VWA5B1: variants seen among roughly 807,000 people sequenced by gnomAD.
The protein encoded by VWA5B1 is von Willebrand factor A domain containing 5B1.
A neutral mutation model predicts 118.2 loss-of-function variants in VWA5B1; 115 were observed. The observed-to-expected ratio is 0.97, with a 90% CI of 0.84 to 1.14. The LOEUF (loss-of-function observed/expected upper bound fraction) is 1.14. VWA5B1 is among the 50% of genes most tolerant of loss of function. The pLI is 0.00. For synonymous variants in VWA5B1, 682 were observed against 658.4 expected (o/e 1.04, Z -0.55); for missense variants, 1,596 against 1,603.8 (o/e 1.00, Z 0.08).
Position 20,342,574 on chromosome 1 carries a change from A to C in VWA5B1, c.2276A>C (p.Glu759Ala). The C allele has an allele frequency of 6.6e-7, 1 of 1,516,664 alleles. No homozygotes were observed. Among genetic ancestry groups the C allele is most frequent in the Non-Finnish European group, 8.8e-7 (1 of 1,132,700 alleles). 94.0% of individuals were successfully genotyped at this position (1,516,664 alleles called of 1,614,324 possible). Residue 759 changes from glutamate to alanine, a missense_variant, in exon 15 of 22, where the codon GAG becomes GCG. Transcript: ENST00000289815. ...ACCCAGGCCTGGAGCCCTGTGAGAG[A>C]GCGGACTTCTGACAGCCGAAGCCCT... The part of the protein sequence containing the change: ...QETQAWSPVR[E>A]RTSDSRSPGD...
At position 20,337,709 on chromosome 1, in the gene VWA5B1, T is replaced by A. The variant is rs777496645; in HGVS notation, c.2006T>A (p.Leu669His). 1.1e-5 allele frequency: 17 copies of A among 1,551,426 alleles called. No individual in the cohort carries two copies. The South Asian group carries it at 2.0e-4, about 18-fold the overall frequency. ...STNQITNHKP[L>H]PRATMASDPM... is the part of the protein sequence containing the mutation. ...AACCAGATCACCAATCACAAGCCCCTCCCAAGAGCCACCATGGCAAGTGAC... is the reference window on the plus strand; with the variant it reads ...AACCAGATCACCAATCACAAGCCCCACCCAAGAGCCACCATGGCAAGTGAC... Residue 669 changes from leucine (L) to histidine (H), a missense_variant, in exon 14 of 22, where the codon CTC becomes CAC. Leu to His is a moderately conservative substitution (Grantham distance 99). Coordinates refer to ENST00000289815, the MANE Select transcript of VWA5B1 (RefSeq NM_001039500.3).
chr1:20,332,361 TC>T (rs914134635), intron 11 of VWA5B1, among the ~76,000 whole-genome samples: 14 of 151,790 alleles, frequency 9.2e-5, no homozygotes, highest in African/African-American at 3.4e-4. Context: ...GTGCCTGTAA[TC>T]CCAGCTACTC....
intron 11 of VWA5B1, among the ~76,000 whole-genome samples, chr1:20,331,211 C>A (rs964407436): frequency 6.6e-6 from 1 of 152,248 alleles, no homozygotes; most frequent in Non-Finnish European, 1.5e-5. Context: ...TGGACACACA[C>A]TCCATCCACT....
chr1:20,327,764 C>T, intron 8 of VWA5B1, 126 bp from the exon 9 acceptor site: 1 of 806,098 alleles, frequency 1.2e-6, no homozygotes, highest in Non-Finnish European at 2.0e-6. Flanking sequence ...TTGCTGGGTG[C>T]AGACAGAGGA....
rs1470480457 is a variant in VWA5B1, at chr1:20,290,939, C to T, written c.-176C>T. ...CAGCTATCGCAATGTGGGCATTGATCAAGCCAGCTGCCAGGGCAGCGGGCG... is the reference window on the plus strand; with the variant it reads ...CAGCTATCGCAATGTGGGCATTGATTAAGCCAGCTGCCAGGGCAGCGGGCG... On this transcript the variant is annotated 5_prime_UTR_variant, in exon 1 of 22. It introduces an in-frame stop codon into an upstream open reading frame of the 5' UTR. Coordinates refer to ENST00000289815, the MANE Select transcript of VWA5B1 (RefSeq NM_001039500.3). 6.6e-6 allele frequency: 1 copy of T among 152,302 alleles called. No individual in the cohort carries two copies. Among genetic ancestry groups the T allele is most frequent in the Non-Finnish European group, 1.5e-5 (1 of 68,088 alleles). The allele number at this position is 152,302 out of a possible 1,614,324, so 9.4% of individuals were successfully genotyped here.
chr1:20,330,890 A>T lies in VWA5B1; in HGVS notation c.1479A>T (p.Gly493=), dbSNP rs758450790. 3 of 1,551,686 alleles carry T rather than the reference A, an allele frequency of 1.9e-6. No individual in the cohort carries two copies. The highest frequency in any genetic ancestry group is 2.6e-6 in the Non-Finnish European group (3 of 1,147,000). Residue 493 remains glycine (G), a synonymous_variant, in exon 11 of 22, where the codon GGA becomes GGT. Coordinates refer to ENST00000289815, the MANE Select transcript of VWA5B1 (RefSeq NM_001039500.3). Reference sequence around the variant, plus strand: ...CCAGGTGCTATAGCTTTGGAATTGGACCCAACGTCTGCCACAGACTGGTGA... The same window carrying T: ...CCAGGTGCTATAGCTTTGGAATTGGTCCCAACGTCTGCCACAGACTGGTGA... ...FSTRCYSFGI[G]PNVCHRLVKG... is the part of the protein sequence containing the mutation.
At chr1:20,333,678 T>C (rs544557179) in intron 12 of VWA5B1, among the ~76,000 whole-genome samples, 2 of 152,352 alleles carry the variant, frequency 1.3e-5, no homozygotes, top group East Asian at 1.9e-4. Context: ...AGTTTGTGTT[T>C]TATTTCTTTA....
intron 9 of VWA5B1, 123 bp downstream of exon 9, chr1:20,328,123 G>A: frequency 2.2e-6 from 2 of 894,084 alleles, no homozygotes; most frequent in Non-Finnish European, 3.5e-6. Flanking sequence ...TACCCACAGA[G>A]AACCCAGATC....
rs1037268681 is a variant in VWA5B1 at position 20,318,798 on chromosome 1, G to A, written c.841+77G>A. Reference sequence around the variant, plus strand: ...CTGATCCTGTGGGGACAGAACATGTGGCCCCCCGCCCAGCAGCTAGCTAGC... The same window carrying A: ...CTGATCCTGTGGGGACAGAACATGTAGCCCCCCGCCCAGCAGCTAGCTAGC... On this transcript the variant is annotated intron_variant, in intron 6 of 21. Transcript: ENST00000289815. 4 of 1,414,528 alleles carry A rather than the reference G, an allele frequency of 2.8e-6. No individual in the cohort carries two copies. The African/African-American group carries it at 5.8e-5, about 21-fold the overall frequency. 87.6% of individuals were successfully genotyped at this position (1,414,528 alleles called of 1,614,324 possible).
At chr1:20,330,846 C>G (rs1212437462) in intron 10 of VWA5B1, 23 bp from the exon 11 acceptor site, 2 of 1,544,486 alleles carry the variant, frequency 1.3e-6, no homozygotes, top group Non-Finnish European at 1.8e-6. Flanking sequence ...GACATAGCAG[C>G]CTCTCTTCTC....
intron 8 of VWA5B1, among the ~76,000 whole-genome samples, chr1:20,324,580 G>A (rs2089320408): frequency 6.6e-6 from 1 of 152,160 alleles, no homozygotes; most frequent in Non-Finnish European, 1.5e-5. Flanking sequence ...TCCGGGTAAA[G>A]GATAACTGAG....
intron 12 of VWA5B1, among the ~76,000 whole-genome samples, 188 bp from the exon 13 acceptor site, chr1:20,336,115 T>C (rs1159004788): frequency 6.6e-6 from 1 of 152,200 alleles, no homozygotes; most frequent in African/African-American, 2.4e-5. Flanking sequence ...TATGAAACGA[T>C]AATTCCATTC....
In VWA5B1 at chr1:20,353,862, C is replaced by T; in HGVS notation, c.3247C>T (p.His1083Tyr). Reference sequence around the variant, plus strand: ...CAAGTGGACGTCCCCCTTCACCTGCCATCGAGTGTCCCTCACCACCCGCCC... The same window carrying T: ...CAAGTGGACGTCCCCCTTCACCTGCTATCGAGTGTCCCTCACCACCCGCCC... The part of the protein sequence containing the change: ...KLKWTSPFTC[H>Y]RVSLTTRPSE... Residue 1083 changes from histidine (H) to tyrosine (Y), a missense_variant, in exon 22 of 22, where the codon CAT becomes TAT. Physicochemically the swap from His to Tyr is moderately conservative, Grantham distance 83. Coordinates refer to ENST00000289815, the MANE Select transcript of VWA5B1 (RefSeq NM_001039500.3). 1 of 1,541,826 alleles carries T rather than the reference C, an allele frequency of 6.5e-7. No homozygotes were observed. The highest frequency in any genetic ancestry group is 8.8e-7 in the Non-Finnish European group (1 of 1,141,894).
Position 20,357,193 on chromosome 1 carries a change from C to A in VWA5B1, c.*2930C>A, listed in dbSNP as rs74056523. On this transcript the variant is annotated 3_prime_UTR_variant, in exon 22 of 22. Coordinates refer to ENST00000289815, the MANE Select transcript of VWA5B1 (RefSeq NM_001039500.3). ...AACACTGAGCTGAGAGTTGAGGAAC[C>A]CAAGCATGGGTCCCAACTCCACCAC... is the stretch of plus-strand genomic sequence containing the variant. Among the ~76,000 whole-genome samples, 280 of 152,308 alleles carry A rather than the reference C, an allele frequency of 1.8e-3. 2 individuals carry two copies. Among genetic ancestry groups the A allele is most frequent in the African/African-American group, 6.5e-3 (270 of 41,564 alleles).
chr1:20,328,253 G>A (rs1340129245), intron 9 of VWA5B1, among the ~76,000 whole-genome samples: 1 of 152,134 alleles, frequency 6.6e-6, no homozygotes, highest in Non-Finnish European at 1.5e-5. Context: ...AAGTGTGTGT[G>A]TGTACAGAAA....
At chr1:20,311,004 A>T (rs897063264) in intron 2 of VWA5B1, among the ~76,000 whole-genome samples, 1 of 152,192 alleles carries the variant, frequency 6.6e-6, no homozygotes, top group African/African-American at 2.4e-5. Context: ...ACAGAGTCTC[A>T]TTCTGTCGCC....
Position 20,353,988 on chromosome 1 carries a change from C to G in VWA5B1, c.3373C>G (p.Leu1125Val). 8 of 1,551,756 alleles carry G rather than the reference C, an allele frequency of 5.2e-6. No individual in the cohort carries two copies. The South Asian group carries it at 9.5e-5, about 18-fold the overall frequency. The change falls in exon 22 of 22, where the codon CTG becomes GTG. Residue 1125 changes from leucine (L) to valine (V), a missense_variant. Coordinates refer to ENST00000289815, the MANE Select transcript of VWA5B1 (RefSeq NM_001039500.3). ...FSLEPLAKGK[L>V]GLEPRAVVEH... ...CCTGGAGCCTCTGGCCAAGGGCAAG[C>G]TGGGCCTGGAGCCGAGGGCAGTGGT...
chr1:20,346,174 T>C (rs11581741), intron 17 of VWA5B1, among the ~76,000 whole-genome samples: 47,621 of 152,104 alleles, frequency 0.31, 7,756 homozygotes, highest in East Asian at 0.39. Flanking sequence ...AATAGCCAAT[T>C]AGTGTTCCAA....
At chr1:20,313,617 C>CT (rs2088912822) in intron 3 of VWA5B1, among the ~76,000 whole-genome samples, 2 of 152,260 alleles carry the variant, frequency 1.3e-5, no homozygotes, top group Admixed American at 1.3e-4. Flanking sequence ...AGAGCCAGGG[C>CT]TAGAATGTAG....
Sources: allele counts gnomAD v4.1 joint callset (sites outside exome capture counted in the v4.1 genomes callset), GRCh38; gene constraint gnomAD v4.1.1; transcripts MANE v1.5; gene names NCBI Gene and HGNC (gene_info 2026-07-23, HGNC 2026-07-21).